The following ANK3 variants were observed in gnomAD, a reference collection of about 807,000 sequenced individuals.
ANK3 encodes ankyrin 3.
Under a neutral mutation model 370.9 loss-of-function variants are expected in ANK3, and 57 were observed. The ratio of observed to expected loss-of-function variants is 0.15; its 90% CI spans 0.12 to 0.19. The LOEUF (loss-of-function observed/expected upper bound fraction) is 0.19. Ranked by LOEUF, ANK3 falls within the 10% of genes least tolerant of loss-of-function variation. The pLI, the probability that ANK3 is intolerant of heterozygous loss-of-function variation, is 1.00. For synonymous variants in ANK3, 1,929 were observed against 1,946.3 expected (o/e 0.99, Z 0.23); for missense variants, 4,439 against 5,302.1 (o/e 0.84, Z 5.06).
chr10:60,669,245 T>A (rs2133379478), intron 1 of ANK3, among the ~76,000 whole-genome samples: 1 of 152,342 alleles, frequency 6.6e-6, no homozygotes, highest in African/African-American at 2.4e-5. Flanking sequence ...CTGACAAATG[T>A]CGGCACAGAA....
chr10:60,648,197 G>C lies in ANK3; in HGVS notation c.58-32973C>G, dbSNP rs1458704654. ...AGATGGAGTCTCGCACTGTCTCCCA[G>C]GCTGGAGTGCCATGGCACCATCTCA... On this transcript the variant is annotated intron_variant, in intron 1 of 43. Transcript: ENST00000373827. 1.0e-4 allele frequency among the ~76,000 whole-genome samples: 13 copies of C among 127,316 alleles called. No homozygotes were observed. In the Admixed American group the frequency reaches 1.1e-3, roughly 11 times the overall value. The allele number at this position is 127,316 out of a possible 152,430, so 83.5% of individuals were successfully genotyped here.
chr10:60,674,618 GAGGAGACAA>G (rs1189342153), intron 1 of ANK3, among the ~76,000 whole-genome samples: 1 of 152,132 alleles, frequency 6.6e-6, no homozygotes, highest in Non-Finnish European at 1.5e-5. Context: ...ATGAGATTTG[GAGGAGACAA>G]ACATCCAAAC....
chr10:60,380,223 G>A (rs184734846), intron 1 of ANK3, among the ~76,000 whole-genome samples: 142 of 152,130 alleles, frequency 9.3e-4, no homozygotes, highest in African/African-American at 3.1e-3. Flanking sequence ...TCTACATCCC[G>A]TTCTGTAATG....
At chr10:60,380,309 C>G (rs2132827454) in intron 1 of ANK3, among the ~76,000 whole-genome samples, 1 of 152,186 alleles carries the variant, frequency 6.6e-6, no homozygotes, top group Admixed American at 6.5e-5. Flanking sequence ...CCTTGCATGG[C>G]ATTTCATGGT....
chr10:60,579,959 C>A (rs938409960), intron 2 of ANK3, among the ~76,000 whole-genome samples: 9 of 152,136 alleles, frequency 5.9e-5, no homozygotes, highest in Admixed American at 4.6e-4. Context: ...CATTCATTAT[C>A]AATCTAAACA....
chr10:60,027,664 A>G lies in ANK3; in HGVS notation c.*2182T>C, dbSNP rs1235738572. The G allele has an allele frequency of 6.6e-6, 1 of 152,238 alleles. No individual in the cohort carries two copies. Among genetic ancestry groups the G allele is most frequent in the Non-Finnish European group, 1.5e-5 (1 of 68,044 alleles). The allele number at this position is 152,238 out of a possible 1,614,324, so 9.4% of individuals were successfully genotyped here. On this transcript the variant is annotated 3_prime_UTR_variant, in exon 44 of 44. Coordinates refer to ENST00000280772, the MANE Select transcript of ANK3 (RefSeq NM_020987.5). ...ATGGAATGTGCTTAGAACAGAGAAT[A>G]GCATGTAGTGAGCACTCCAGTTTTA... is the stretch of plus-strand genomic sequence containing the variant.
rs148635129 is a variant in ANK3, at chr10:60,070,717, G to A, written c.10164C>T (p.Asn3388=). Residue 3388 remains asparagine (N), a synonymous_variant, in exon 37 of 44, where the codon AAC becomes AAT. Coordinates refer to ENST00000280772, the MANE Select transcript of ANK3 (RefSeq NM_020987.5). This position sits in a 1 kb window ranked among gnomAD's most constrained non-coding sequence, Gnocchi z 5.7. ...TGGAACACTCTGTGATGGACTGGTC[G>A]TTGTTCCCATTCTGGGCAATTTCAT... ...PQNEIAQNGN[N]DQSITECSIA... is the part of the protein sequence containing the mutation. 2.9e-4 allele frequency: 464 copies of A among 1,614,056 alleles called. No homozygotes were observed. The highest frequency in any genetic ancestry group is 3.3e-4 in the Middle Eastern group (2 of 6,084).
chr10:60,599,345 G>A (rs371066417), intron 2 of ANK3, among the ~76,000 whole-genome samples: 4 of 152,096 alleles, frequency 2.6e-5, no homozygotes, highest in African/African-American at 7.2e-5. Context: ...TAATGGACAC[G>A]ACTCCCTAAC....
intron 1 of ANK3, among the ~76,000 whole-genome samples, chr10:60,302,672 A>C (rs1366982011): frequency 1.3e-5 from 2 of 152,176 alleles, no homozygotes. Flanking sequence ...GCAAATAGTA[A>C]ACGTATGTCT....
chr10:60,238,651 A>G (rs2132550106), intron 7 of ANK3, among the ~76,000 whole-genome samples: 1 of 152,086 alleles, frequency 6.6e-6, no homozygotes, highest in South Asian at 2.1e-4. Flanking sequence ...CTCAGGGTGG[A>G]GCACTAACAC....
At chr10:60,732,838 C>G (rs943443622) in intron 1 of ANK3, among the ~76,000 whole-genome samples, 1 of 152,094 alleles carries the variant, frequency 6.6e-6, no homozygotes, top group South Asian at 2.1e-4. Context: ...CAGTCGTGTC[C>G]TTAGGAAAGG....
chr10:60,146,122 ATTGTCAC>A, intron 23 of ANK3: 1 of 1,470,792 alleles, frequency 6.8e-7, no homozygotes, highest in South Asian at 1.4e-5. Flanking sequence ...CAGAAACAGT[ATTGTCAC>A]TTACATAAGT....
At chr10:60,387,536 A>G (rs1217168178) in intron 1 of ANK3, among the ~76,000 whole-genome samples, 2 of 152,220 alleles carry the variant, frequency 1.3e-5, no homozygotes, top group Non-Finnish European at 2.9e-5. Context: ...CTATGTTAAG[A>G]ATTAACAAGT....
At chr10:60,064,112 C>T (rs192837976) in intron 39 of ANK3, 45 bp downstream of exon 39, 4 of 1,507,350 alleles carry the variant, frequency 2.7e-6, no homozygotes, top group African/African-American at 1.4e-5. Context: ...TAAAATATTA[C>T]ATTTATGCAG....
At chr10:60,221,552 T>A (rs914158707) in intron 8 of ANK3, among the ~76,000 whole-genome samples, 1 of 152,216 alleles carries the variant, frequency 6.6e-6, no homozygotes, top group Non-Finnish European at 1.5e-5. Context: ...CAAACCCTTT[T>A]CTTGTATTAT....
intron 23 of ANK3, among the ~76,000 whole-genome samples, chr10:60,147,653 G>A (rs2094897694): frequency 6.6e-6 from 1 of 152,104 alleles, no homozygotes; most frequent in Non-Finnish European, 1.5e-5. Flanking sequence ...GATAGTGAGT[G>A]AGTGAGTTAT....
intron 2 of ANK3, among the ~76,000 whole-genome samples, chr10:60,458,871 C>T (rs916873063): frequency 5.3e-5 from 8 of 151,976 alleles, no homozygotes; most frequent in Admixed American, 2.0e-4. Flanking sequence ...GCCTTACTTA[C>T]GCTATTCAGA....
intron 8 of ANK3, among the ~76,000 whole-genome samples, chr10:60,220,526 T>A (rs896753465): frequency 6.6e-5 from 10 of 152,208 alleles, no homozygotes; most frequent in African/African-American, 2.2e-4. Flanking sequence ...AACTGCATGA[T>A]AAAACCTTGG....
intron 42 of ANK3, among the ~76,000 whole-genome samples, chr10:60,046,941 G>A (rs940677867): frequency 6.6e-6 from 1 of 151,754 alleles, no homozygotes; most frequent in Non-Finnish European, 1.5e-5. Flanking sequence ...TGAGTAGCTG[G>A]GACTACAGGC....
Sources: gnomAD v4.1 joint callset for allele counts (sites outside exome capture counted in the v4.1 genomes callset) on GRCh38, gnomAD v4.1.1 for gene constraint, Gnocchi (gnomAD v3.1) non-coding constraint, MANE v1.5 for transcripts, NCBI Gene and HGNC (gene_info 2026-07-23, HGNC 2026-07-21) for gene names.